The following EIF4G3 variants were observed in gnomAD, a reference collection of about 807,000 sequenced individuals.
EIF4G3 encodes eIF-4-gamma 3.
Under a neutral mutation model 186.4 loss-of-function variants are expected in EIF4G3, and 34 were observed. That is an observed-to-expected ratio of 0.18 (90% confidence interval 0.14 to 0.24). The LOEUF (loss-of-function observed/expected upper bound fraction) is 0.24. Ranked by LOEUF, EIF4G3 falls within the 10% of genes least tolerant of loss-of-function variation. The pLI, the probability that EIF4G3 is intolerant of heterozygous loss-of-function variation, is 1.00. For missense variants in EIF4G3, 1,536 were observed against 1,948.5 expected, an observed-to-expected ratio of 0.79 and a Z score of 3.99; for synonymous variants, 673 against 679.5, an observed-to-expected ratio of 0.99 and a Z score of 0.15.
chr1:21,025,448 A>G (rs2091935359), intron 4 of EIF4G3, among the ~76,000 whole-genome samples: 1 of 149,520 alleles, frequency 6.7e-6, no homozygotes, highest in Non-Finnish European at 1.5e-5. Context: ...ATCTCGACAG[A>G]AAAAAAAAAG....
chr1:21,077,049 T>C (rs754524905), intron 3 of EIF4G3, among the ~76,000 whole-genome samples: 2 of 152,166 alleles, frequency 1.3e-5, no homozygotes, highest in East Asian at 1.9e-4. Flanking sequence ...CATTTGACAA[T>C]TGATTAACAG....
At chr1:20,813,533 C>T (rs1020530603) in intron 34 of EIF4G3, among the ~76,000 whole-genome samples, 9 of 151,692 alleles carry the variant, frequency 5.9e-5, no homozygotes, top group Non-Finnish European at 1.0e-4. Flanking sequence ...TGCACCACTG[C>T]ACTCCAGCAT....
At chr1:21,094,996 T>C (rs2096325248) in intron 2 of EIF4G3, among the ~76,000 whole-genome samples, 1 of 152,082 alleles carries the variant, frequency 6.6e-6, no homozygotes, top group African/African-American at 2.4e-5. Flanking sequence ...CATTGAGATC[T>C]AGGGAAATAA....
intron 3 of EIF4G3, 93 bp from the exon 4 acceptor site, chr1:21,051,087 T>C (rs1571708580): frequency 6.0e-6 from 4 of 672,164 alleles, no homozygotes; most frequent in Non-Finnish European, 1.1e-5. Flanking sequence ...TTGGATTTCC[T>C]ACCTCACAAC....
At chr1:20,917,918 G>A (rs535181369) in intron 14 of EIF4G3, among the ~76,000 whole-genome samples, 2 of 138,796 alleles carry the variant, frequency 1.4e-5, no homozygotes, top group South Asian at 4.5e-4. Flanking sequence ...TTTTTACAAG[G>A]CTTTAAAATT....
intron 30 of EIF4G3, among the ~76,000 whole-genome samples, chr1:20,838,133 C>A (rs79992715): frequency 0.029 from 4,356 of 152,222 alleles, 81 homozygotes; most frequent in Non-Finnish European, 0.047. Flanking sequence ...ACTGTAGCCA[C>A]GTCTGGTTAT....
chr1:21,131,753 G>A (rs2097158390), intron 2 of EIF4G3, among the ~76,000 whole-genome samples: 1 of 152,144 alleles, frequency 6.6e-6, no homozygotes, highest in Non-Finnish European at 1.5e-5. Flanking sequence ...CTGGAGGATA[G>A]CTTGAGCCGA....
chr1:20,926,298 A>G (rs2094883015), intron 14 of EIF4G3, among the ~76,000 whole-genome samples: 1 of 152,200 alleles, frequency 6.6e-6, no homozygotes, highest in Non-Finnish European at 1.5e-5. Context: ...TCTTCTGTAA[A>G]GTAAGGATAA....
Position 20,820,433 on chromosome 1 carries a change from G to A in EIF4G3, c.4369-2895C>T, listed in dbSNP as rs191727670. 3.7e-3 allele frequency among the ~76,000 whole-genome samples: 566 copies of A among 152,328 alleles called. 22 individuals are homozygous for A. Among genetic ancestry groups the A allele is most frequent in the Non-Finnish European group, 5.4e-4 (37 of 68,020 alleles). On this transcript the variant is annotated intron_variant, in intron 33 of 36. Coordinates refer to ENST00000602326, the MANE Select transcript of EIF4G3 (RefSeq NM_001391906.1). ...TGTCCCTGCAGGCTCAGAGTTGCCT[G>A]CTCTCTGATCTTGGAGTGGGGTTGG...
At chr1:20,951,751 A>AG (rs1268186396) in intron 12 of EIF4G3, among the ~76,000 whole-genome samples, 1 of 119,098 alleles carries the variant, frequency 8.4e-6, no homozygotes, top group Non-Finnish European at 2.0e-5. Flanking sequence ...ACCAAATAAA[A>AG]AGGGGGGGGC....
intron 35 of EIF4G3, among the ~76,000 whole-genome samples, chr1:20,811,839 G>A (rs1439885082): frequency 2.0e-5 from 3 of 152,074 alleles, no homozygotes; most frequent in Non-Finnish European, 2.9e-5. Flanking sequence ...GGAATTTCAA[G>A]TGAGTATTTA....
At chr1:20,860,635 C>T (rs2076120758) in intron 23 of EIF4G3, 118 bp from the exon 24 acceptor site, 3 of 1,133,508 alleles carry the variant, frequency 2.6e-6, no homozygotes, top group Non-Finnish European at 3.7e-6. Context: ...TGTATTATGG[C>T]AGTTTCTCAT....
rs66560662 is a variant in EIF4G3 at position 20,868,090 on chromosome 1, C to CTTTTTTTTTTTTT, written c.2623-2841_2623-2829dup. On this transcript the variant is annotated intron_variant, in intron 20 of 36. Transcript: ENST00000602326. Reference sequence around the variant, plus strand: ...GAGAATAGTGATTCATGGTGATTTTCTTTTTTTTTTTTTTTTGTCCTTAGG... The same window carrying CTTTTTTTTTTTTT: ...GAGAATAGTGATTCATGGTGATTTTCTTTTTTTTTTTTTTTTTTTTTTTTTTTTTGTCCTTAGG... Among the ~76,000 whole-genome samples the CTTTTTTTTTTTTT allele has an allele frequency of 8.2e-4, 74 of 90,426 alleles. 10 individuals carry two copies. The highest frequency in any genetic ancestry group is 1.2e-3 in the East Asian group (3 of 2,506). 59.3% of individuals were successfully genotyped at this position (90,426 alleles called of 152,430 possible).
At chr1:21,031,977 G>C (rs1309030533) in intron 4 of EIF4G3, among the ~76,000 whole-genome samples, 1 of 152,166 alleles carries the variant, frequency 6.6e-6, no homozygotes, top group African/African-American at 2.4e-5. Context: ...CCAAATAGTT[G>C]TATTAAGAAT....
intron 13 of EIF4G3, among the ~76,000 whole-genome samples, chr1:20,945,972 T>TTATG (rs2095930988): frequency 6.6e-6 from 1 of 152,040 alleles, no homozygotes; most frequent in African/African-American, 2.4e-5. Context: ...CCATAAAGAG[T>TTATG]GCCAAATTTA....
chr1:21,141,846 G>A (rs901999002), intron 2 of EIF4G3, among the ~76,000 whole-genome samples: 9 of 151,810 alleles, frequency 5.9e-5, no homozygotes, highest in South Asian at 2.1e-4. Context: ...GGGAAGAATC[G>A]CTTGAGCCTG....
In EIF4G3 at chr1:21,176,231, TGCCGCCGCCGCCGCCGCCGCCGCCGCC is replaced by T. The variant is rs34197724; in HGVS notation, c.-355_-329del. 21 of 346,290 alleles carry T rather than the reference TGCCGCCGCCGCCGCCGCCGCCGCCGCC, an allele frequency of 6.1e-5. 4 individuals carry two copies. The highest frequency in any genetic ancestry group is 3.4e-4 in the South Asian group (4 of 11,708). 21.5% of individuals were successfully genotyped at this position (346,290 alleles called of 1,614,324 possible). A position where few individuals can be genotyped will look rare whatever the true frequency, so the allele number is the denominator to read the frequency against. Reference sequence around the variant, plus strand: ...TGTTCGGGTGAGGAGGGGGGACCGCTGCCGCCGCCGCCGCCGCCGCCGCCGCCGCCGCCGCTGCTGCCGCCGCCGGGT... The same window carrying T: ...TGTTCGGGTGAGGAGGGGGGACCGCTGCCGCCGCTGCTGCCGCCGCCGGGT... On this transcript the variant is annotated 5_prime_UTR_variant, in exon 2 of 37. Coordinates refer to ENST00000602326, the MANE Select transcript of EIF4G3 (RefSeq NM_001391906.1).
intron 2 of EIF4G3, among the ~76,000 whole-genome samples, chr1:21,124,076 A>C (rs1037247505): frequency 2.6e-5 from 4 of 152,106 alleles, no homozygotes; most frequent in African/African-American, 9.7e-5. Context: ...GGATCACCTG[A>C]GGTCAGGAGT....
At chr1:20,968,163 T>C (rs1213868489) in intron 12 of EIF4G3, among the ~76,000 whole-genome samples, 1 of 151,908 alleles carries the variant, frequency 6.6e-6, no homozygotes, top group African/African-American at 2.4e-5. Flanking sequence ...ATAGGAGGAA[T>C]GAAATACAAA....
Sources: gnomAD v4.1 joint callset for allele counts (sites outside exome capture counted in the v4.1 genomes callset) on GRCh38, gnomAD v4.1.1 for gene constraint, MANE v1.5 for transcripts, NCBI Gene and HGNC (gene_info 2026-07-23, HGNC 2026-07-21) for gene names.